NRG2: variants seen among roughly 807,000 people sequenced by gnomAD.
NRG2 encodes neuregulin 2.
In NRG2, 27 loss-of-function variants were observed where a neutral mutation model predicts 73.9. That is an observed-to-expected ratio of 0.37 (90% confidence interval 0.27 to 0.50). The LOEUF is 0.50. Ranked by LOEUF, NRG2 falls within the 20% of genes least tolerant of loss-of-function variation. NRG2 has a pLI of 0.96. For synonymous variants in NRG2, 532 were observed against 541.0 expected, an observed-to-expected ratio of 0.98 and a Z score of 0.23; for missense variants, 1,126 against 1,210.1, an observed-to-expected ratio of 0.93 and a Z score of 1.03.
chr5:139,879,448 C>T (rs1763387867), intron 3 of NRG2, among the ~76,000 whole-genome samples: 1 of 152,156 alleles, frequency 6.6e-6, no homozygotes, highest in South Asian at 2.1e-4. Context: ...ACCCCACTCT[C>T]CGAACATGGG....
At chr5:139,940,839 A>G (rs1024254616) in intron 1 of NRG2, among the ~76,000 whole-genome samples, 1 of 152,130 alleles carries the variant, frequency 6.6e-6, no homozygotes, top group African/African-American at 2.4e-5. Flanking sequence ...TGCCATGTAC[A>G]TTTAAAAAAA....
rs1761507323 is a variant in NRG2 at position 139,852,443 on chromosome 5, G to A, written c.1533C>T (p.Thr511=). Residue 511 remains threonine, a synonymous_variant, in exon 8 of 10, where the codon ACC becomes ACT. Coordinates refer to ENST00000361474, the MANE Select transcript of NRG2 (RefSeq NM_004883.3). This position sits in a 1 kb window ranked among gnomAD's most constrained non-coding sequence, Gnocchi z 4.4. ...TTGGTGGTGCCTACCTGTGGCTGGA[G>A]GTGGGTGTGGCTGTGGAGCAGTGGT... is the stretch of plus-strand genomic sequence containing the variant. ...PSHHCSTATP[T]SSHRHESHTW... is the part of the protein sequence containing the mutation. The A allele has an allele frequency of 6.2e-7, 1 of 1,613,530 alleles. No homozygotes were observed. Among genetic ancestry groups the A allele is most frequent in the East Asian group, 2.2e-5 (1 of 44,884 alleles).
At chr5:140,017,124 T>C (rs1465831712) in intron 1 of NRG2, among the ~76,000 whole-genome samples, 2 of 152,170 alleles carry the variant, frequency 1.3e-5, no homozygotes, top group African/African-American at 4.8e-5. Context: ...ATGATCAGTA[T>C]TGACATGGGT....
In NRG2 at chr5:140,008,115, C is replaced by T. The variant is rs964297665; in HGVS notation, c.700+34255G>A. ...GGGAGCACCACACAGGAATGTGTTC[C>T]CATGGGCAGCCTGACATCTACATGT... On this transcript the variant is annotated intron_variant, in intron 1 of 9. Coordinates refer to ENST00000361474, the MANE Select transcript of NRG2 (RefSeq NM_004883.3). The surrounding 1 kb of genome is among the most constrained non-coding windows in gnomAD (Gnocchi z 4.2). Among the ~76,000 whole-genome samples, 1 of 152,158 alleles carries T rather than the reference C, an allele frequency of 6.6e-6. No homozygotes were observed. Among genetic ancestry groups the T allele is most frequent in the Non-Finnish European group, 1.5e-5 (1 of 68,024 alleles).
intron 1 of NRG2, among the ~76,000 whole-genome samples, chr5:139,938,870 GAGAGA>G (rs1753059335): frequency 9.5e-6 from 1 of 105,768 alleles, no homozygotes; most frequent in Non-Finnish European, 1.8e-5. Flanking sequence ...GAGAGAGAGA[GAGAGA>G]GAGAGAAGGA....
intron 1 of NRG2, among the ~76,000 whole-genome samples, chr5:139,895,107 T>G (rs1764467263): frequency 6.6e-6 from 1 of 152,176 alleles, no homozygotes; most frequent in Non-Finnish European, 1.5e-5. Context: ...GAAGCACCCA[T>G]CCACTGACAC....
At chr5:139,911,022 G>T (rs571406302) in intron 1 of NRG2, among the ~76,000 whole-genome samples, 3 of 152,010 alleles carry the variant, frequency 2.0e-5, no homozygotes, top group African/African-American at 4.8e-5. Flanking sequence ...GGCTCCAGGG[G>T]CCGGGAGAAG....
chr5:140,004,156 T>C (rs1758714102), intron 1 of NRG2, among the ~76,000 whole-genome samples: 1 of 152,186 alleles, frequency 6.6e-6, no homozygotes, highest in Admixed American at 6.5e-5. Flanking sequence ...AAGTATGAAA[T>C]AAACAGATCA....
At chr5:139,940,901 G>T (rs983966193) in intron 1 of NRG2, among the ~76,000 whole-genome samples, 4 of 152,134 alleles carry the variant, frequency 2.6e-5, no homozygotes, top group African/African-American at 9.7e-5. Context: ...ATCAGGAAGG[G>T]TATCTGTCTC....
At chr5:139,986,088 C>G (rs1331093176) in intron 1 of NRG2, among the ~76,000 whole-genome samples, 1 of 152,216 alleles carries the variant, frequency 6.6e-6, no homozygotes, top group Non-Finnish European at 1.5e-5. Flanking sequence ...GCAGAATGAA[C>G]ACAGAATCTG....
In NRG2 at chr5:139,851,865, A is replaced by G. The variant is rs1449249581; in HGVS notation, c.1545-34T>C. 1 of 1,596,250 alleles carries G rather than the reference A, an allele frequency of 6.3e-7. No individual in the cohort carries two copies. The highest frequency in any genetic ancestry group is 8.6e-7 in the Non-Finnish European group (1 of 1,166,508). On this transcript the variant is annotated intron_variant, in intron 8 of 9. Transcript: ENST00000361474. The surrounding 1 kb of genome is among the most constrained non-coding windows in gnomAD (Gnocchi z 4.2). ...GCCAGATGGGGTGAGACGAGGGGTC[A>G]GGAAGGGGCAGGGCGGCCCAGCAGG...
chr5:139,952,832 GA>G, intron 1 of NRG2, among the ~76,000 whole-genome samples: 2 of 152,162 alleles, frequency 1.3e-5, no homozygotes, highest in African/African-American at 2.4e-5. Context: ...GCCTCTAGCA[GA>G]GGAGGCTGCA....
intron 5 of NRG2, among the ~76,000 whole-genome samples, chr5:139,858,188 A>G (rs546554877): frequency 6.6e-6 from 1 of 152,188 alleles, no homozygotes; most frequent in South Asian, 2.1e-4. Context: ...TTTGGATCTC[A>G]TCTGTGGTCC....
intron 1 of NRG2, among the ~76,000 whole-genome samples, chr5:139,993,312 C>T (rs1757779139): frequency 1.3e-5 from 2 of 152,216 alleles, no homozygotes; most frequent in Admixed American, 1.3e-4. Context: ...TCATCTACAT[C>T]TACCTCTCTG....
chr5:139,978,067 T>G (rs1294893461), intron 1 of NRG2, among the ~76,000 whole-genome samples: 3 of 152,090 alleles, frequency 2.0e-5, no homozygotes, highest in Non-Finnish European at 2.9e-5. Flanking sequence ...CCAAAAGCAA[T>G]GGCAACAAAA....
At chr5:139,993,467 G>C (rs951264496) in intron 1 of NRG2, among the ~76,000 whole-genome samples, 3 of 152,060 alleles carry the variant, frequency 2.0e-5, no homozygotes, top group Non-Finnish European at 2.9e-5. Flanking sequence ...TCTTTACATG[G>C]GAGCTCGCTA....
chr5:139,989,286 C>T (rs1239485838), intron 1 of NRG2, among the ~76,000 whole-genome samples: 1 of 152,000 alleles, frequency 6.6e-6, no homozygotes, highest in Non-Finnish European at 1.5e-5. Context: ...GGATACTAAA[C>T]ATCTTCCTAA....
At chr5:139,951,486 G>A in intron 1 of NRG2, among the ~76,000 whole-genome samples, 1 of 152,198 alleles carries the variant, frequency 6.6e-6, no homozygotes, top group East Asian at 1.9e-4. Context: ...AGGAAGAGGG[G>A]ACCCTGGAAG....
intron 3 of NRG2, among the ~76,000 whole-genome samples, chr5:139,874,265 G>C (rs1763040200): frequency 1.3e-5 from 2 of 152,186 alleles, no homozygotes; most frequent in Admixed American, 1.3e-4. Flanking sequence ...CCCGTGTTTG[G>C]AGAAGTGAAG....
Sources: allele counts gnomAD v4.1 joint callset (sites outside exome capture counted in the v4.1 genomes callset), GRCh38; gene constraint gnomAD v4.1.1; non-coding constraint Gnocchi (gnomAD v3.1); transcripts MANE v1.5; gene names NCBI Gene and HGNC (gene_info 2026-07-23, HGNC 2026-07-21).